Variants in ZNF229 observed in about 807,000 individuals in gnomAD.
The protein encoded by ZNF229 is zinc finger protein 229.
In ZNF229, 10 loss-of-function variants were observed where a neutral mutation model predicts 11.8. That is an observed-to-expected ratio of 0.85 (90% confidence interval 0.52 to 1.44). The LOEUF is 1.44. Ranked by LOEUF, ZNF229 falls within the 40% of genes most tolerant of loss-of-function variation. The pLI, the probability that ZNF229 is intolerant of heterozygous loss-of-function variation, is 0.00. For synonymous variants in ZNF229, 368 were observed against 374.8 expected, an observed-to-expected ratio of 0.98 and a Z score of 0.21; for missense variants, 1,045 against 1,015.1, an observed-to-expected ratio of 1.03 and a Z score of -0.40.
chr19:44,430,108 T>A lies in ZNF229; in HGVS notation c.673A>T (p.Ile225Leu), dbSNP rs758093913. 16 of 1,614,042 alleles carry A rather than the reference T, an allele frequency of 9.9e-6. No individual in the cohort carries two copies. Among genetic ancestry groups the A allele is most frequent in the African/African-American group, 2.7e-5 (2 of 74,882 alleles). ...CNWDDDSFCW[I>L]SCHVDHRFPE... ...AATCTGTGATCAACATGACAAGATA[T>A]CCAGCAAAAGCTGTCATCATCCCAG... Residue 225 changes from isoleucine to leucine, a missense_variant, in exon 6 of 6, where the codon ATA (isoleucine) becomes TTA (leucine). By Grantham distance (5) the Ile-to-Leu change is conservative (BLOSUM62 2). Transcript: ENST00000614049.
At position 44,434,219 on chromosome 19, in the gene ZNF229, T is replaced by C. The variant is rs574334829; in HGVS notation, c.94-1853A>G. ...AACAGTGCCTAGTTTACTGTGCCCA[T>C]GCCTGCATGTACCCCGAAAACATTC... On this transcript the variant is annotated intron_variant, in intron 4 of 5. Coordinates refer to ENST00000614049, the MANE Select transcript of ZNF229 (RefSeq NM_014518.4). Among the ~76,000 whole-genome samples the C allele has an allele frequency of 2.0e-5, 3 of 152,308 alleles. No homozygotes were observed. In the East Asian group the frequency reaches 5.8e-4, roughly 29 times the overall value.
At position 44,428,113 on chromosome 19, in the gene ZNF229, A is replaced by C; in HGVS notation, c.*190T>G. 1.7e-6 allele frequency: 1 copy of C among 603,292 alleles called. No individual in the cohort carries two copies. Among genetic ancestry groups the C allele is most frequent in the Non-Finnish European group, 2.8e-6 (1 of 354,524 alleles). The allele number at this position is 603,292 out of a possible 1,614,324, so 37.4% of individuals were successfully genotyped here. Reference sequence around the variant, plus strand: ...TGCACAACAGACTCTTAAAGACTGAAGTTTGTAACTGAAGTGCTAACCTAT... The same window carrying C: ...TGCACAACAGACTCTTAAAGACTGACGTTTGTAACTGAAGTGCTAACCTAT... On this transcript the variant is annotated 3_prime_UTR_variant, in exon 6 of 6. Transcript: ENST00000614049.
At chr19:44,430,620 T>A in intron 5 of ZNF229, 78 bp from the exon 6 acceptor site, 1 of 1,357,394 alleles carries the variant, frequency 7.4e-7, no homozygotes, top group Non-Finnish European at 9.9e-7. Context: ...AGACTTGAAC[T>A]AATAATAGCC....
At position 44,429,484 on chromosome 19, in the gene ZNF229, A is replaced by C. The variant is rs1292903225; in HGVS notation, c.1297T>G (p.Tyr433Asp). The change falls in exon 6 of 6, where the codon TAC becomes GAC. Residue 433 changes from tyrosine to aspartate, a missense_variant. Tyr to Asp is a radical substitution (Grantham distance 160). Coordinates refer to ENST00000614049, the MANE Select transcript of ZNF229 (RefSeq NM_014518.4). Reference protein sequence around the residue: ...HQRLHTGEKPYTCSECGKGFC... With the variant: ...HQRLHTGEKPDTCSECGKGFC... ...CCTTTGCCACACTCGCTGCAGGTGTAGGGCTTCTCCCCTGTGTGCAGCCTC... is the reference window on the plus strand; with the variant it reads ...CCTTTGCCACACTCGCTGCAGGTGTCGGGCTTCTCCCCTGTGTGCAGCCTC... The C allele has an allele frequency of 1.2e-6, 2 of 1,613,798 alleles. No individual in the cohort carries two copies. The highest frequency in any genetic ancestry group is 2.7e-5 in the African/African-American group (2 of 74,782).
chr19:44,447,627 T>C (rs1270815776), intron 1 of ZNF229, 27 bp from the exon 2 acceptor site: 1 of 152,008 alleles, frequency 6.6e-6, no homozygotes, highest in Non-Finnish European at 1.5e-5. Context: ...AACAGCAGGA[T>C]AACATGATTT....
chr19:44,430,233 G>A lies in ZNF229; in HGVS notation c.548C>T (p.Pro183Leu). ...FPAWRAIRPI[P>L]IQGSWAKAFV... is the part of the protein sequence containing the mutation. ...CGCTTTTGCCCAAGATCCTTGAATG[G>A]GGATTGGTCTTATAGCTCTCCAGGC... The change falls in exon 6 of 6, where the codon CCC (proline) becomes CTC (leucine). Residue 183 changes from proline (P) to leucine (L), a missense_variant. Coordinates refer to ENST00000614049, the MANE Select transcript of ZNF229 (RefSeq NM_014518.4). The A allele has an allele frequency of 1.2e-6, 2 of 1,614,052 alleles. No homozygotes were observed. The highest frequency in any genetic ancestry group is 1.7e-6 in the Non-Finnish European group (2 of 1,180,028).
At chr19:44,437,701 A>C (rs1002505330) in intron 4 of ZNF229, among the ~76,000 whole-genome samples, 1 of 152,214 alleles carries the variant, frequency 6.6e-6, no homozygotes, top group African/African-American at 2.4e-5. Flanking sequence ...ACAATAGAAA[A>C]GACATGAAAT....
intron 4 of ZNF229, among the ~76,000 whole-genome samples, chr19:44,433,584 T>G (rs1011430531): frequency 1.3e-5 from 2 of 151,864 alleles, no homozygotes; most frequent in Non-Finnish European, 2.9e-5. Context: ...ACTTCTTGCT[T>G]TAGGCATATA....
Position 44,429,182 on chromosome 19 carries a change from G to A in ZNF229, c.1599C>T (p.Leu533=), listed in dbSNP as rs200963322. Residue 533 remains leucine, a synonymous_variant, in exon 6 of 6, where the codon CTC becomes CTT. Coordinates refer to ENST00000614049, the MANE Select transcript of ZNF229 (RefSeq NM_014518.4). ...CTCCTGTGTGCAGTCTCTGATGCAT[G>A]AGAAGCCCTGAGCTGTAACTGAAAC... ...GKSFSYSSGL[L]MHQRLHTGEK... 35 of 1,613,650 alleles carry A rather than the reference G, an allele frequency of 2.2e-5. 1 individual carries two copies. Among genetic ancestry groups the A allele is most frequent in the Middle Eastern group, 1.6e-4 (1 of 6,080 alleles).
chr19:44,439,471 T>C (rs1415580531), intron 4 of ZNF229, among the ~76,000 whole-genome samples: 1 of 151,906 alleles, frequency 6.6e-6, no homozygotes, highest in African/African-American at 2.4e-5. Context: ...TGAGATGGAG[T>C]CTCACTCTGT....
chr19:44,448,022 A>G (rs1159154406), intron 1 of ZNF229, among the ~76,000 whole-genome samples: 1 of 152,220 alleles, frequency 6.6e-6, no homozygotes, highest in East Asian at 1.9e-4. Context: ...TACATTTCAA[A>G]GGATAAAATT....
intron 4 of ZNF229, among the ~76,000 whole-genome samples, chr19:44,441,667 T>C (rs1971911582): frequency 6.6e-6 from 1 of 152,206 alleles, no homozygotes; most frequent in African/African-American, 2.4e-5. Flanking sequence ...TATGTGTGTG[T>C]ACATATATAT....
intron 5 of ZNF229, among the ~76,000 whole-genome samples, chr19:44,430,780 A>G (rs1305030527): frequency 6.6e-6 from 1 of 152,180 alleles, no homozygotes; most frequent in Non-Finnish European, 1.5e-5. Context: ...CCAGGCAAAA[A>G]AAGAATTTCG....
chr19:44,431,872 C>A, intron 5 of ZNF229: 1 of 922,920 alleles, frequency 1.1e-6, no homozygotes, highest in Non-Finnish European at 1.3e-6. Flanking sequence ...GGTGGTGGGT[C>A]TTCCGGAGGT....
rs897328635 is a variant in ZNF229, at chr19:44,430,229, A to C, written c.552T>G (p.Ile184Met). ...CAAACGCTTTTGCCCAAGATCCTTG[A>C]ATGGGGATTGGTCTTATAGCTCTCC... The part of the protein sequence containing the change: ...PAWRAIRPIP[I>M]QGSWAKAFVN... The change falls in exon 6 of 6, where the codon ATT (isoleucine) becomes ATG (methionine). Residue 184 changes from isoleucine (I) to methionine (M), a missense_variant. Coordinates refer to ENST00000614049, the MANE Select transcript of ZNF229 (RefSeq NM_014518.4). 1.2e-6 allele frequency: 2 copies of C among 1,614,142 alleles called. No homozygotes were observed. The highest frequency in any genetic ancestry group is 2.7e-5 in the African/African-American group (2 of 74,980).
chr19:44,429,720 C>T lies in ZNF229; in HGVS notation c.1061G>A (p.Cys354Tyr), dbSNP rs201823616. The change falls in exon 6 of 6, where the codon TGT becomes TAT. Residue 354 changes from cysteine to tyrosine, a missense_variant. Coordinates refer to ENST00000614049, the MANE Select transcript of ZNF229 (RefSeq NM_014518.4). ...CGATTTATACCTGAACCCCTTTCCA[C>T]AGACATCACATCTATAGGGCATGTC... ...VGDMPYRCDVCGKGFRYKSVL... is the reference protein window; with the variant it reads ...VGDMPYRCDVYGKGFRYKSVL... The T allele has an allele frequency of 1.0e-4, 163 of 1,614,022 alleles. No homozygotes were observed. The highest frequency in any genetic ancestry group is 5.7e-5 in the Non-Finnish European group (67 of 1,180,026).
At chr19:44,432,078 T>G (rs1971732345) in intron 5 of ZNF229, 144 bp downstream of exon 5, 1 of 1,408,878 alleles carries the variant, frequency 7.1e-7, no homozygotes, top group Non-Finnish European at 9.3e-7. Context: ...AAACTTCTGT[T>G]GTTTATATGC....
At chr19:44,443,185 C>T (rs1043023212) in intron 2 of ZNF229, among the ~76,000 whole-genome samples, 161 bp from the exon 3 acceptor site, 2 of 152,256 alleles carry the variant, frequency 1.3e-5, no homozygotes, top group East Asian at 3.9e-4. Flanking sequence ...TCCACAAAGC[C>T]AAGAGTGTTG....
intron 4 of ZNF229, among the ~76,000 whole-genome samples, chr19:44,437,192 C>T (rs926115155): frequency 6.6e-6 from 1 of 151,930 alleles, no homozygotes; most frequent in Non-Finnish European, 1.5e-5. Flanking sequence ...ATTAAAGAGC[C>T]ATTTAGATGA....
Sources: gnomAD v4.1 joint callset for allele counts (sites outside exome capture counted in the v4.1 genomes callset) on GRCh38, gnomAD v4.1.1 for gene constraint, MANE v1.5 for transcripts, NCBI Gene and HGNC (gene_info 2026-07-23, HGNC 2026-07-21) for gene names.